The following LIMCH1 variants were observed in gnomAD, a reference collection of about 807,000 sequenced individuals.
LIMCH1 encodes LIM and calponin homology domains 1.
Under a neutral mutation model 176.5 loss-of-function variants are expected in LIMCH1, and 113 were observed. The observed-to-expected ratio is 0.64, with a 90% confidence interval of 0.55 to 0.75. The LOEUF (loss-of-function observed/expected upper bound fraction) is 0.75, where lower values mean the gene tolerates loss of function less well. Ranked by LOEUF, LIMCH1 falls within the 30% of genes least tolerant of loss-of-function variation. The pLI, the probability that LIMCH1 is intolerant of heterozygous loss-of-function variation, is 0.00. For missense variants in LIMCH1, 1,674 were observed against 1,814.9 expected, an observed-to-expected ratio of 0.92 and a Z score of 1.41; for synonymous variants, 619 against 645.9, an observed-to-expected ratio of 0.96 and a Z score of 0.63.
At chr4:41,509,756 A>G (rs1431103327) in intron 2 of LIMCH1, among the ~76,000 whole-genome samples, 5 of 152,210 alleles carry the variant, frequency 3.3e-5, no homozygotes, top group Non-Finnish European at 2.9e-5. Context: ...TGCAGGACTC[A>G]TGGTGAGCAG....
chr4:41,501,327 T>A (rs2073228965), intron 2 of LIMCH1, among the ~76,000 whole-genome samples: 1 of 152,244 alleles, frequency 6.6e-6, no homozygotes, highest in Admixed American at 6.5e-5. Flanking sequence ...CTTAAGGAAA[T>A]GAATTCTTAA....
intron 1 of LIMCH1, among the ~76,000 whole-genome samples, chr4:41,471,252 T>A (rs2066920138): frequency 6.6e-6 from 1 of 152,182 alleles, no homozygotes; most frequent in Non-Finnish European, 1.5e-5. Context: ...ATCGTGCTAG[T>A]CACATTGTGG....
intron 8 of LIMCH1, among the ~76,000 whole-genome samples, chr4:41,628,964 A>G (rs1208669739): frequency 6.6e-6 from 1 of 152,250 alleles, no homozygotes; most frequent in South Asian, 2.1e-4. Context: ...GAATTGACTT[A>G]GATGTACTTT....
At position 41,650,573 on chromosome 4, in the gene LIMCH1, A is replaced by G. The variant is rs771742096; in HGVS notation, c.3001A>G (p.Ile1001Val). 3.2e-5 allele frequency: 51 copies of G among 1,614,044 alleles called. No individual in the cohort carries two copies. In the African/African-American group the frequency reaches 5.7e-4, roughly 18 times the overall value. Reference protein sequence around the residue: ...KQDNGSIEINIKKPNSVPQEL... With the variant: ...KQDNGSIEINVKKPNSVPQEL... ...AGACAACGGTAGCATCGAGATCAAC[A>G]TAAAGAAGCCAAACTCTGTTCCCCA... The change falls in exon 18 of 32, where the codon ATA becomes GTA. Residue 1001 changes from isoleucine (I) to valine (V), a missense_variant. This residue lies in a region of LIMCH1 where 1,015 missense variants were observed against 1,102.5 expected (regional missense o/e 0.92). Coordinates refer to ENST00000503057, the MANE Select transcript of LIMCH1 (RefSeq NM_001330672.2).
At chr4:41,641,267 A>C (rs1339214562) in intron 14 of LIMCH1, among the ~76,000 whole-genome samples, 1 of 152,038 alleles carries the variant, frequency 6.6e-6, no homozygotes, top group African/African-American at 2.4e-5. Context: ...GCCAACCCCC[A>C]TCCCCAGACA....
chr4:41,404,848 G>A (rs1017218938), intron 1 of LIMCH1, among the ~76,000 whole-genome samples: 9 of 151,980 alleles, frequency 5.9e-5, no homozygotes, highest in Non-Finnish European at 1.0e-4. Flanking sequence ...GTGATTCCAG[G>A]GCATGTTAGT....
At chr4:41,694,896 A>G (rs151249650) in intron 31 of LIMCH1, among the ~76,000 whole-genome samples, 1,789 of 152,194 alleles carry the variant, frequency 0.012, 31 homozygotes, top group African/African-American at 0.04. Flanking sequence ...AGCCTGTATC[A>G]GCTCTGGATA....
At chr4:41,524,609 T>G in intron 3 of LIMCH1, 1 of 707,778 alleles carries the variant, frequency 1.4e-6, no homozygotes. Flanking sequence ...TTGAATCCAT[T>G]AAACGAAGAG....
chr4:41,694,358 G>A (rs1462571849), intron 31 of LIMCH1, among the ~76,000 whole-genome samples: 1 of 152,116 alleles, frequency 6.6e-6, no homozygotes. Context: ...TTGGGGTAGG[G>A]GCAGAATATA....
Position 41,631,130 on chromosome 4 carries a change from A to G in LIMCH1, c.1272-18A>G. On this transcript the variant is annotated intron_variant, in intron 9 of 31. Coordinates refer to ENST00000503057, the MANE Select transcript of LIMCH1 (RefSeq NM_001330672.2). ...TTGTACTCAGACACTTTTAGAACTT[A>G]TTTCTGGTTTTGACTAGGGATGGAG... is the stretch of plus-strand genomic sequence containing the variant. The G allele has an allele frequency of 6.8e-7, 1 of 1,479,404 alleles. No homozygotes were observed. Among genetic ancestry groups the G allele is most frequent in the Admixed American group, 2.5e-5 (1 of 40,168 alleles). 91.6% of individuals were successfully genotyped at this position (1,479,404 alleles called of 1,614,324 possible). A position where few individuals can be genotyped will look rare whatever the true frequency, so the allele number is the denominator to read the frequency against.
At chr4:41,697,134 TTTG>T (rs770065992) in intron 31 of LIMCH1, 23 bp from the exon 32 acceptor site, 7 of 1,612,912 alleles carry the variant, frequency 4.3e-6, no homozygotes, top group South Asian at 2.2e-5. Context: ...ACCACTCTTG[TTTG>T]TTGTTGTTTG....
chr4:41,534,658 A>G (rs901968500), upstream of LIMCH1, among the ~76,000 whole-genome samples: 2 of 152,216 alleles, frequency 1.3e-5, no homozygotes, highest in African/African-American at 4.8e-5. Context: ...TGGATGGACT[A>G]TTTTGAAGTT....
rs1034714516 is a variant in LIMCH1, at chr4:41,613,454, C to G, written c.10-12C>G. The G allele has an allele frequency of 4.3e-6, 7 of 1,610,786 alleles. No homozygotes were observed. Among genetic ancestry groups the G allele is most frequent in the Admixed American group, 3.3e-5 (2 of 59,962 alleles). On this transcript the variant is annotated splice_polypyrimidine_tract_variant and intron_variant, in intron 4 of 31. Transcript: ENST00000503057. ...ATTATGTCTGTAACCCTTTCATTTT[C>G]TTTTTTGACAGGACACTGATGACAT...
chr4:41,363,807 A>G (rs1460698117), intron 1 of LIMCH1, among the ~76,000 whole-genome samples: 1 of 152,166 alleles, frequency 6.6e-6, no homozygotes, highest in African/African-American at 2.4e-5. Context: ...TAACACTCCT[A>G]GTGACTTTTT....
intron 1 of LIMCH1, among the ~76,000 whole-genome samples, chr4:41,582,716 T>C (rs925059770): frequency 6.6e-6 from 1 of 152,212 alleles, no homozygotes; most frequent in Non-Finnish European, 1.5e-5. Context: ...TAAATATACA[T>C]AAATTGCTTA....
chr4:41,382,222 T>G (rs542659279), intron 1 of LIMCH1, among the ~76,000 whole-genome samples: 4 of 152,308 alleles, frequency 2.6e-5, no homozygotes, highest in African/African-American at 9.6e-5. Flanking sequence ...AAGTGGGAGA[T>G]GGAACTGGAC....
rs185288849 is a variant in LIMCH1, at chr4:41,490,869, G to A, written c.97-3667G>A. Among the ~76,000 whole-genome samples, 289 of 150,040 alleles carry A rather than the reference G, an allele frequency of 1.9e-3. 1 individual carries two copies. The East Asian group carries it at 0.025, about 13-fold the overall frequency. ...TCCTCACTTCCCAGACAGGGCGGCC[G>A]GGCAGAGGCACTTCTCACTTCCCAG... On this transcript the variant is annotated intron_variant, in intron 1 of 26. Transcript: ENST00000313860.
intron 1 of LIMCH1, among the ~76,000 whole-genome samples, chr4:41,407,359 G>A (rs879545504): frequency 2.0e-5 from 3 of 152,126 alleles, no homozygotes; most frequent in Admixed American, 6.5e-5. Flanking sequence ...CACCTGAGTC[G>A]CTAGGACTAT....
intron 2 of LIMCH1, among the ~76,000 whole-genome samples, chr4:41,512,895 G>C (rs755070867): frequency 1.3e-5 from 2 of 152,218 alleles, no homozygotes; most frequent in Non-Finnish European, 2.9e-5. Context: ...GGTAAACTAT[G>C]TGAATTGTAT....
Sources: gnomAD v4.1 joint callset for allele counts (sites outside exome capture counted in the v4.1 genomes callset) on GRCh38, gnomAD v4.1.1 for gene constraint, gnomAD v4.1.1 regional missense constraint, MANE v1.5 for transcripts, NCBI Gene and HGNC (gene_info 2026-07-23, HGNC 2026-07-21) for gene names.